LINGO2: variants seen among roughly 807,000 people sequenced by gnomAD.
LINGO2 encodes the protein leucine-rich repeat and immunoglobulin-like domain-containing nogo receptor-interacting protein 2.
In LINGO2, 14 loss-of-function variants were observed where a neutral mutation model predicts 30.6. That is an observed-to-expected ratio of 0.46 (90% CI 0.30 to 0.72). The LOEUF (loss-of-function observed/expected upper bound fraction) is 0.72. Ranked by LOEUF, LINGO2 falls within the 30% of genes least tolerant of loss-of-function variation. The pLI, the probability that LINGO2 is intolerant of heterozygous loss-of-function variation, is 0.07. For missense variants in LINGO2, 729 were observed against 751.7 expected, an observed-to-expected ratio of 0.97 and a Z score of 0.35; for synonymous variants, 317 against 288.5, an observed-to-expected ratio of 1.10 and a Z score of -1.00.
At chr9:28,693,977 A>G in the LINGO2 span, among the ~76,000 whole-genome samples, 1 of 151,996 alleles carries the variant, frequency 6.6e-6, no homozygotes, top group African/African-American at 2.4e-5. Flanking sequence ...CACTGACCCC[A>G]TCAAAATCCA....
intron 1 of LINGO2, among the ~76,000 whole-genome samples, chr9:28,574,635 T>A (rs1008728362): frequency 6.6e-6 from 1 of 152,138 alleles, no homozygotes; most frequent in Non-Finnish European, 1.5e-5. Flanking sequence ...TATTATTATT[T>A]TTTTCAGGTG....
chr9:28,034,055 C>G (rs986758943), intron 4 of LINGO2, among the ~76,000 whole-genome samples: 1 of 152,184 alleles, frequency 6.6e-6, no homozygotes, highest in Non-Finnish European at 1.5e-5. Context: ...CTGGAGGTCT[C>G]GGGCCCTCCT....
chr9:28,215,292 C>T (rs921653947), intron 4 of LINGO2, among the ~76,000 whole-genome samples: 5 of 151,676 alleles, frequency 3.3e-5, no homozygotes, highest in Admixed American at 3.3e-4. Context: ...CTTGAAAGAA[C>T]AGGACATAGT....
intron 4 of LINGO2, among the ~76,000 whole-genome samples, chr9:28,220,254 T>G (rs552719848): frequency 1.3e-5 from 2 of 152,254 alleles, no homozygotes; most frequent in South Asian, 4.1e-4. Context: ...CTGTAGTCCT[T>G]TGGAAAAGAA....
At chr9:29,161,989 G>C in the LINGO2 span, among the ~76,000 whole-genome samples, 2 of 150,902 alleles carry the variant, frequency 1.3e-5, no homozygotes, top group African/African-American at 4.9e-5. Context: ...GCACAATCTC[G>C]GCTTACTACA....
At chr9:29,106,092 G>A in the LINGO2 span, among the ~76,000 whole-genome samples, 1 of 152,070 alleles carries the variant, frequency 6.6e-6, no homozygotes, top group African/African-American at 2.4e-5. Context: ...CATTTCTTTG[G>A]CAATTTGTTA....
intron 1 of LINGO2, among the ~76,000 whole-genome samples, chr9:28,525,461 A>G (rs972086846): frequency 2.0e-5 from 3 of 152,252 alleles, no homozygotes; most frequent in East Asian, 3.8e-4. Flanking sequence ...GTATACCTAT[A>G]TAATGGAATA....
chr9:28,575,094 C>T (rs1260518177), intron 1 of LINGO2, among the ~76,000 whole-genome samples: 1 of 152,040 alleles, frequency 6.6e-6, no homozygotes, highest in Non-Finnish European at 1.5e-5. Context: ...CCTTCATGAA[C>T]CGATGCAGAA....
chr9:27,955,572 C>A (rs1038950069), intron 5 of LINGO2, among the ~76,000 whole-genome samples: 17 of 152,108 alleles, frequency 1.1e-4, no homozygotes, highest in Non-Finnish European at 2.1e-4. Context: ...AATATATACT[C>A]TTATGTCCAG....
At chr9:28,165,526 A>G (rs58496384) in intron 4 of LINGO2, among the ~76,000 whole-genome samples, 3,531 of 152,320 alleles carry the variant, frequency 0.023, 127 homozygotes, top group African/African-American at 0.072. Context: ...TCTCAAATTC[A>G]TTATTACCAT....
intron 2 of LINGO2, among the ~76,000 whole-genome samples, chr9:28,460,772 C>T (rs1238275122): frequency 6.6e-6 from 1 of 151,998 alleles, no homozygotes; most frequent in African/African-American, 2.4e-5. Context: ...TGGTATTCTA[C>T]AGCAATGAAT....
At chr9:28,996,109 A>T in the LINGO2 span, among the ~76,000 whole-genome samples, 2 of 127,888 alleles carry the variant, frequency 1.6e-5, no homozygotes, top group African/African-American at 6.9e-5. Flanking sequence ...GAAGATTTAT[A>T]TATTGCTTTA....
chr9:28,089,782 T>A (rs1826022077), intron 4 of LINGO2, among the ~76,000 whole-genome samples: 1 of 152,122 alleles, frequency 6.6e-6, no homozygotes, highest in African/African-American at 2.4e-5. Context: ...CAGGAGCTGG[T>A]TTTTTGAAAA....
chr9:27,977,197 A>G (rs573980311), intron 5 of LINGO2, among the ~76,000 whole-genome samples: 5 of 152,030 alleles, frequency 3.3e-5, no homozygotes, highest in East Asian at 3.9e-4. Flanking sequence ...GGAAGACCAC[A>G]AAAGAGAAAA....
At chr9:28,019,873 T>A (rs892537431) in intron 4 of LINGO2, among the ~76,000 whole-genome samples, 5 of 152,172 alleles carry the variant, frequency 3.3e-5, no homozygotes, top group African/African-American at 7.2e-5. Context: ...TGGACTCAAG[T>A]TCTTCCTACT....
chr9:28,834,443 T>C, the LINGO2 span, among the ~76,000 whole-genome samples: 1 of 152,204 alleles, frequency 6.6e-6, no homozygotes. Context: ...AACTCCTTAT[T>C]TGAAAATTCT....
chr9:29,016,841 C>T, the LINGO2 span, among the ~76,000 whole-genome samples: 1 of 152,166 alleles, frequency 6.6e-6, no homozygotes, highest in African/African-American at 2.4e-5. Flanking sequence ...TTTACCCCTT[C>T]TACATATAAG....
chr9:28,016,427 ATC>A, intron 4 of LINGO2, among the ~76,000 whole-genome samples: 1 of 152,128 alleles, frequency 6.6e-6, no homozygotes, highest in Non-Finnish European at 1.5e-5. Context: ...ATTTAATATT[ATC>A]AAGAAATAGG....
chr9:27,990,804 G>A (rs1320213387), intron 5 of LINGO2, among the ~76,000 whole-genome samples: 1 of 151,976 alleles, frequency 6.6e-6, no homozygotes, highest in Non-Finnish European at 1.5e-5. Flanking sequence ...GGCATCAAGG[G>A]CTTTGCTCCC....
Sources: gnomAD v4.1 joint callset for allele counts (sites outside exome capture counted in the v4.1 genomes callset) on GRCh38, gnomAD v4.1.1 for gene constraint, MANE v1.5 for transcripts, NCBI Gene and HGNC (gene_info 2026-07-23, HGNC 2026-07-21) for gene names.